HEPACAM: variants seen among roughly 807,000 people sequenced by gnomAD.
HEPACAM encodes the protein hepatic and glial cell adhesion molecule.
In HEPACAM, 18 loss-of-function variants were observed where a neutral mutation model predicts 38.3. That is an observed-to-expected ratio of 0.47 (90% CI 0.33 to 0.70). The LOEUF (loss-of-function observed/expected upper bound fraction) is 0.70, where lower values mean the gene tolerates loss of function less well. HEPACAM is among the 30% of genes least tolerant of loss of function. The probability of loss-of-function intolerance (pLI) is 0.03; values close to 1 mark genes in which losing one functional copy is unlikely to be tolerated. For synonymous variants in HEPACAM, 216 were observed against 243.1 expected (o/e 0.89, Z 1.04); for missense variants, 466 against 563.0 (o/e 0.83, Z 1.74).
chr11:124,928,600 CA>C (rs1947246301), intron 1 of HEPACAM, among the ~76,000 whole-genome samples: 1 of 152,144 alleles, frequency 6.6e-6, no homozygotes, highest in African/African-American at 2.4e-5. Context: ...CTGCTTATGA[CA>C]AACCTGCCTC....
chr11:124,934,318 CTT>C (rs1274716093), intron 1 of HEPACAM, among the ~76,000 whole-genome samples: 1 of 151,982 alleles, frequency 6.6e-6, no homozygotes, highest in African/African-American at 2.4e-5. Flanking sequence ...CTATTTCTCT[CTT>C]GATCTATTGC....
Position 124,924,226 on chromosome 11 carries a change from A to G in HEPACAM, c.428-216T>C, listed in dbSNP as rs951630346. 3.9e-5 allele frequency among the ~76,000 whole-genome samples: 6 copies of G among 152,196 alleles called. No individual in the cohort carries two copies. The highest frequency in any genetic ancestry group is 1.4e-4 in the African/African-American group (6 of 41,454). ...GGAGCACCAATTAGGCATGGCGGGT[A>G]CAATGCTGAACAATGCAGACATGGT... On this transcript the variant is annotated intron_variant, in intron 2 of 6. Transcript: ENST00000298251. This position sits in a 1 kb window ranked among gnomAD's most constrained non-coding sequence, Gnocchi z 4.4.
In HEPACAM at chr11:124,924,897, C is replaced by T. The variant is rs35466065; in HGVS notation, c.258G>A (p.Glu86=). 1.1e-3 allele frequency: 1,803 copies of T among 1,614,216 alleles called. 21 individuals carry two copies. In the African/African-American group the frequency reaches 0.022, roughly 20 times the overall value. ...PVTVVQSIGT[E]VIGTLRPDYR... The stretch of plus-strand genomic sequence containing the variant: ...AGTCAGGCCGCAGGGTGCCGATGAC[C>T]TCTGTGCCAATGGACTGCACCACGG... Residue 86 remains glutamate, a synonymous_variant, in exon 2 of 7, where the codon GAG becomes GAA. Transcript: ENST00000298251. The surrounding 1 kb of genome is among the most constrained non-coding windows in gnomAD (Gnocchi z 4.4).
Position 124,919,733 on chromosome 11 carries a change from T to C in HEPACAM, c.*1405A>G. 6.2e-7 allele frequency: 1 copy of C among 1,611,472 alleles called. No individual in the cohort carries two copies. The highest frequency in any genetic ancestry group is 8.5e-7 in the Non-Finnish European group (1 of 1,178,720). ...GTGCCTTTGGGGCTGAGACAAAACT[T>C]GACCTGGTGTGGAGGTGATGGGTAA... On this transcript the variant is annotated 3_prime_UTR_variant, in exon 7 of 7. Coordinates refer to ENST00000298251, the MANE Select transcript of HEPACAM (RefSeq NM_152722.5).
At position 124,923,358 on chromosome 11, in the gene HEPACAM, C is replaced by T; in HGVS notation, c.785G>A (p.Cys262Tyr). 1 of 1,612,876 alleles carries T rather than the reference C, an allele frequency of 6.2e-7. No individual in the cohort carries two copies. The highest frequency in any genetic ancestry group is 8.5e-7 in the Non-Finnish European group (1 of 1,178,924). Reference protein sequence around the residue: ...LLVTLVTVCACWKPSKRKQKK... With the variant: ...LLVTLVTVCAYWKPSKRKQKK... ...CCCAGACCTTTTGGAGGGTTTCCAG[C>T]AGGCACAGACTGTCACCAAGGTCAC... Residue 262 changes from cysteine (C) to tyrosine (Y), a missense_variant, in exon 4 of 7, where the codon TGC (cysteine) becomes TAC (tyrosine). Coordinates refer to ENST00000298251, the MANE Select transcript of HEPACAM (RefSeq NM_152722.5).
intron 1 of HEPACAM, among the ~76,000 whole-genome samples, chr11:124,931,377 A>T (rs1947279208): frequency 1.3e-5 from 2 of 151,464 alleles, no homozygotes; most frequent in African/African-American, 4.8e-5. Context: ...TCAGCTAATT[A>T]AAAAAAAATT....
chr11:124,930,819 A>G (rs964590013), intron 1 of HEPACAM, among the ~76,000 whole-genome samples: 1 of 152,220 alleles, frequency 6.6e-6, no homozygotes, highest in Non-Finnish European at 1.5e-5. Flanking sequence ...ATTGACCCTT[A>G]CCTCACACCT....
chr11:124,923,639 G>C, intron 3 of HEPACAM, 90 bp downstream of exon 3: 1 of 1,512,008 alleles, frequency 6.6e-7, no homozygotes, highest in Non-Finnish European at 9.1e-7. Flanking sequence ...CCTCCCCCCA[G>C]TGACATTTCT....
At position 124,923,851 on chromosome 11, in the gene HEPACAM, G is replaced by T. The variant is rs387907049; in HGVS notation, c.587C>A (p.Ser196Tyr). 2.5e-6 allele frequency: 4 copies of T among 1,614,170 alleles called. No individual in the cohort carries two copies. The highest frequency in any genetic ancestry group is 3.4e-6 in the Non-Finnish European group (4 of 1,180,038). The part of the protein sequence containing the change: ...PLLNDSRMLL[S>Y]PDQKVLTITR... ...GATGGTGAGCACCTTTTGGTCGGGG[G>T]ACAGGAGCATTCTCGAGTCATTGAG... is the stretch of plus-strand genomic sequence containing the variant. Residue 196 changes from serine (S) to tyrosine (Y), a missense_variant, in exon 3 of 7, where the codon TCC (serine) becomes TAC (tyrosine). Ser to Tyr is a moderately radical substitution (Grantham distance 144, BLOSUM62 -2). Coordinates refer to ENST00000298251, the MANE Select transcript of HEPACAM (RefSeq NM_152722.5).
At chr11:124,934,763 T>C (rs1334035374) in intron 1 of HEPACAM, among the ~76,000 whole-genome samples, 1 of 152,140 alleles carries the variant, frequency 6.6e-6, no homozygotes, top group Admixed American at 6.6e-5. Context: ...ACAAACTTCC[T>C]TTCTTATTTT....
rs781369257 is a variant in HEPACAM at position 124,936,016 on chromosome 11, C to T, written c.-10G>A. ...CCCTTTCTCTCTTCATTTTGGGTGG[C>T]GTTCTCCAGCTCTAGTGCAGACAAT... On this transcript the variant is annotated 5_prime_UTR_variant, in exon 1 of 7. Transcript: ENST00000298251. The T allele has an allele frequency of 6.8e-6, 11 of 1,612,396 alleles. No homozygotes were observed. Among genetic ancestry groups the T allele is most frequent in the South Asian group, 2.2e-5 (2 of 91,010 alleles).
At position 124,920,500 on chromosome 11, in the gene HEPACAM, G is replaced by C; in HGVS notation, c.*638C>G. The C allele has an allele frequency of 6.7e-7, 1 of 1,496,618 alleles. No homozygotes were observed. Among genetic ancestry groups the C allele is most frequent in the South Asian group, 1.2e-5 (1 of 80,710 alleles). The allele number at this position is 1,496,618 out of a possible 1,614,324, so 92.7% of individuals were successfully genotyped here. ...GGTCAGAGGGAAAAGGAATGTACTCGTACCCTTCCCTCACCACCTTGTAGG... is the reference window on the plus strand; with the variant it reads ...GGTCAGAGGGAAAAGGAATGTACTCCTACCCTTCCCTCACCACCTTGTAGG... On this transcript the variant is annotated 3_prime_UTR_variant, in exon 7 of 7. Coordinates refer to ENST00000298251, the MANE Select transcript of HEPACAM (RefSeq NM_152722.5).
At chr11:124,923,282 T>A in intron 4 of HEPACAM, 58 bp downstream of exon 4, 2 of 1,112,962 alleles carry the variant, frequency 1.8e-6, no homozygotes, top group Admixed American at 3.4e-5. Flanking sequence ...AAGAAAATAA[T>A]GGGGCTTAGG....
rs1947124419 is a variant in HEPACAM, at chr11:124,920,974, G to A, written c.*164C>T. The A allele has an allele frequency of 7.4e-7, 1 of 1,360,526 alleles. No individual in the cohort carries two copies. Among genetic ancestry groups the A allele is most frequent in the Non-Finnish European group, 9.4e-7 (1 of 1,059,934 alleles). The allele number at this position is 1,360,526 out of a possible 1,614,324, so 84.3% of individuals were successfully genotyped here. A position where few individuals can be genotyped will look rare whatever the true frequency, so the allele number is the denominator to read the frequency against. Reference sequence around the variant, plus strand: ...TCAACACTGCCGCCTCCGCGCACCCGCCTCCGTCTGCGCATGCTCATACAC... The same window carrying A: ...TCAACACTGCCGCCTCCGCGCACCCACCTCCGTCTGCGCATGCTCATACAC... On this transcript the variant is annotated 3_prime_UTR_variant, in exon 7 of 7. Coordinates refer to ENST00000298251, the MANE Select transcript of HEPACAM (RefSeq NM_152722.5).
At chr11:124,935,072 A>T (rs1031563593) in intron 1 of HEPACAM, among the ~76,000 whole-genome samples, 1 of 152,076 alleles carries the variant, frequency 6.6e-6, no homozygotes, top group African/African-American at 2.4e-5. Flanking sequence ...ATCTTTTAAA[A>T]TTCAGTGCAC....
chr11:124,920,768 G>A lies in HEPACAM; in HGVS notation c.*370C>T. The stretch of plus-strand genomic sequence containing the variant: ...AGGGTGGTGGGTGGGAAACAACACA[G>A]CTCCCTAGGAAGAGCACAGGATAGT... On this transcript the variant is annotated 3_prime_UTR_variant, in exon 7 of 7. Coordinates refer to ENST00000298251, the MANE Select transcript of HEPACAM (RefSeq NM_152722.5). 3.8e-6 allele frequency: 4 copies of A among 1,041,322 alleles called. No homozygotes were observed. Among genetic ancestry groups the A allele is most frequent in the Non-Finnish European group, 4.6e-6 (4 of 868,946 alleles). The allele number at this position is 1,041,322 out of a possible 1,614,324, so 64.5% of individuals were successfully genotyped here. A position where few individuals can be genotyped will look rare whatever the true frequency, so the allele number is the denominator to read the frequency against.
rs745857734 is a variant in HEPACAM, at chr11:124,923,438, GGA to G, written c.710-7_710-6del. The stretch of plus-strand genomic sequence containing the variant: ...TGATGTAAAGGGAGCTTCTTCCTAG[GGA>G]GAGAGAGAAGCAGAGAGGCAGGAGG... On this transcript the variant is annotated splice_polypyrimidine_tract_variant and splice_region_variant and intron_variant, in intron 3 of 6. Transcript: ENST00000298251. The G allele has an allele frequency of 1.9e-5, 30 of 1,589,704 alleles. No individual in the cohort carries two copies. Among genetic ancestry groups the G allele is most frequent in the African/African-American group, 9.4e-5 (7 of 74,430 alleles).
At chr11:124,927,510 GTTTTTTTTTTTTGT>G (rs1480827071) in intron 1 of HEPACAM, among the ~76,000 whole-genome samples, 7 of 99,192 alleles carry the variant, frequency 7.1e-5, no homozygotes, top group African/African-American at 2.9e-4. Flanking sequence ...GCCCAGCTAG[GTTTTTTTTTTTTGT>G]TTTTTTTTTT....
chr11:124,923,547 C>T, intron 3 of HEPACAM, 114 bp from the exon 4 acceptor site: 1 of 1,096,064 alleles, frequency 9.1e-7, no homozygotes. Context: ...GCATGCCTGG[C>T]TGATGCTGGT....
Sources: gnomAD v4.1 joint callset for allele counts (sites outside exome capture counted in the v4.1 genomes callset) on GRCh38, gnomAD v4.1.1 for gene constraint, Gnocchi (gnomAD v3.1) non-coding constraint, MANE v1.5 for transcripts, NCBI Gene and HGNC (gene_info 2026-07-23, HGNC 2026-07-21) for gene names.